CLINT1: variants seen among roughly 807,000 people sequenced by gnomAD.
CLINT1 encodes clathrin interacting protein localized in the trans-Golgi region.
In CLINT1, 15 loss-of-function variants were observed where a neutral mutation model predicts 70.4. The observed-to-expected ratio is 0.21, with a 90% CI of 0.14 to 0.33. CLINT1 has a LOEUF of 0.33. CLINT1 is among the 10% of genes least tolerant of loss of function. CLINT1 has a pLI of 1.00. For missense variants in CLINT1, 615 were observed against 778.1 expected (o/e 0.79, Z 2.49); for synonymous variants, 227 against 254.7 (o/e 0.89, Z 1.04).
Position 157,794,885 on chromosome 5 carries a change from A to C in CLINT1, c.1087+13T>G. 1 of 1,553,572 alleles carries C rather than the reference A, an allele frequency of 6.4e-7. No individual in the cohort carries two copies. The highest frequency in any genetic ancestry group is 8.7e-7 in the Non-Finnish European group (1 of 1,147,180). On this transcript the variant is annotated intron_variant, in intron 9 of 11. Transcript: ENST00000411809. ...ACCACCCTAGACTTCTGGCCAATCAAATTGAATCATACCTTGGGAAGGGAA... is the reference window on the plus strand; with the variant it reads ...ACCACCCTAGACTTCTGGCCAATCACATTGAATCATACCTTGGGAAGGGAA...
At chr5:157,788,185 C>A in intron 11 of CLINT1, among the ~76,000 whole-genome samples, 193 bp from the exon 12 acceptor site, 1 of 152,178 alleles carries the variant, frequency 6.6e-6, no homozygotes, top group East Asian at 1.9e-4. Context: ...ACTATTGGCT[C>A]TGGTTCCCCA....
At chr5:157,810,892 T>C (rs1762535199) in intron 5 of CLINT1, among the ~76,000 whole-genome samples, 1 of 152,200 alleles carries the variant, frequency 6.6e-6, no homozygotes, top group South Asian at 2.1e-4. Flanking sequence ...ACAAAACGAT[T>C]TTGCTGAATT....
intron 5 of CLINT1, among the ~76,000 whole-genome samples, chr5:157,811,763 AAAAG>A (rs1431445287): frequency 6.6e-6 from 1 of 152,132 alleles, no homozygotes; most frequent in African/African-American, 2.4e-5. Flanking sequence ...CATGCTGGCA[AAAAG>A]AAAGATACAA....
chr5:157,798,333 CAT>C (rs1175365587), intron 8 of CLINT1, among the ~76,000 whole-genome samples: 1 of 152,196 alleles, frequency 6.6e-6, no homozygotes, highest in Non-Finnish European at 1.5e-5. Context: ...AAGATTCCCA[CAT>C]GAGAACTGTC....
At chr5:157,852,980 A>G (rs1753624818) in intron 1 of CLINT1, among the ~76,000 whole-genome samples, 1 of 152,250 alleles carries the variant, frequency 6.6e-6, no homozygotes, top group African/African-American at 2.4e-5. Flanking sequence ...CTTCAAAAGT[A>G]CTAAAAATGT....
chr5:157,811,566 A>G (rs1762560096), intron 5 of CLINT1, among the ~76,000 whole-genome samples: 1 of 152,020 alleles, frequency 6.6e-6, no homozygotes, highest in Non-Finnish European at 1.5e-5. Flanking sequence ...GAAAAAACAC[A>G]AAACTGCTAA....
chr5:157,851,780 C>T (rs960849971), intron 1 of CLINT1, among the ~76,000 whole-genome samples: 12 of 151,852 alleles, frequency 7.9e-5, no homozygotes, highest in Admixed American at 7.2e-4. Context: ...CACTGTTGCA[C>T]ATTAACAAAA....
chr5:157,829,027 G>A (rs796445534), intron 1 of CLINT1, among the ~76,000 whole-genome samples: 17 of 151,872 alleles, frequency 1.1e-4, no homozygotes, highest in Non-Finnish European at 1.5e-4. Context: ...GGTTGAACCC[G>A]GGAAGCGGAG....
In CLINT1 at chr5:157,791,765, T is replaced by G. The variant is rs112406734; in HGVS notation, c.1318A>C (p.Met440Leu). 1.2e-6 allele frequency: 2 copies of G among 1,613,850 alleles called. No homozygotes were observed. Among genetic ancestry groups the G allele is most frequent in the Non-Finnish European group, 1.7e-6 (2 of 1,179,888 alleles). ...TTAGTGCTCATCATAGAGAAATTCA[T>G]ACTCTGGGAAGATGTCATGGTTGCC... Reference protein sequence around the residue: ...SQATMTSSQSMNFSMMSTNTV... With the variant: ...SQATMTSSQSLNFSMMSTNTV... The change falls in exon 10 of 12, where the codon ATG (methionine) becomes CTG (leucine). Residue 440 changes from methionine (M) to leucine (L), a missense_variant. By Grantham distance (15) the Met-to-Leu change is conservative. Transcript: ENST00000411809.
rs200378943 is a variant in CLINT1 at position 157,791,717 on chromosome 5, T to C, written c.1366A>G (p.Met456Val). The stretch of plus-strand genomic sequence containing the variant: ...AGACAACTTACCTGTGATCTTGACA[T>C]AGGCAAACCAAGTCCCACAGTGTTA... ...STNTVGLGLP[M>V]SRSQNTDMVQ... The change falls in exon 10 of 12, where the codon ATG becomes GTG. Residue 456 changes from methionine (M) to valine (V), a missense_variant. Physicochemically the swap from Met to Val is conservative, Grantham distance 21 (BLOSUM62 1). Around this residue, in one of 2 missense-constraint regions of CLINT1, gnomAD observed 374 missense variants for 409.6 expected, o/e 0.91. Coordinates refer to ENST00000411809, the MANE Select transcript of CLINT1 (RefSeq NM_014666.4). 2.6e-4 allele frequency: 419 copies of C among 1,612,394 alleles called. No homozygotes were observed. Among genetic ancestry groups the C allele is most frequent in the Non-Finnish European group, 3.3e-4 (391 of 1,178,966 alleles).
chr5:157,830,915 C>T (rs910768535), intron 1 of CLINT1, among the ~76,000 whole-genome samples: 1 of 151,216 alleles, frequency 6.6e-6, no homozygotes, highest in Non-Finnish European at 1.5e-5. Flanking sequence ...GTAGTCCCAG[C>T]TACTGGAGGT....
At chr5:157,854,999 C>T (rs1753704673) in intron 1 of CLINT1, among the ~76,000 whole-genome samples, 1 of 151,950 alleles carries the variant, frequency 6.6e-6, no homozygotes, top group African/African-American at 2.4e-5. Flanking sequence ...CAAAAATTAG[C>T]CAGGCATGGA....
chr5:157,839,559 G>T (rs1763544172), intron 1 of CLINT1, among the ~76,000 whole-genome samples: 2 of 149,982 alleles, frequency 1.3e-5, no homozygotes, highest in South Asian at 4.2e-4. Flanking sequence ...CCGAGATTGT[G>T]CACTGCACTC....
chr5:157,840,327 T>C (rs1299245483), intron 1 of CLINT1, among the ~76,000 whole-genome samples: 2 of 150,646 alleles, frequency 1.3e-5, no homozygotes, highest in Non-Finnish European at 2.9e-5. Context: ...TAAGAAACTC[T>C]TCATTAAAAG....
At chr5:157,790,636 C>T (rs1182279889) in intron 10 of CLINT1, 3 of 455,174 alleles carry the variant, frequency 6.6e-6, no homozygotes, top group South Asian at 4.7e-5. Context: ...CATCCTAATA[C>T]CCCAAAGACG....
chr5:157,805,827 T>C (rs751893699), intron 7 of CLINT1, 39 bp downstream of exon 7: 4 of 1,607,302 alleles, frequency 2.5e-6, no homozygotes, highest in Non-Finnish European at 3.4e-6. Context: ...TTTATAAAAA[T>C]AAAACCATGT....
chr5:157,797,854 T>C (rs1487769637), intron 8 of CLINT1, among the ~76,000 whole-genome samples: 1 of 152,254 alleles, frequency 6.6e-6, no homozygotes, highest in Non-Finnish European at 1.5e-5. Context: ...ACAGAAATTA[T>C]ATGATGTTCA....
intron 8 of CLINT1, among the ~76,000 whole-genome samples, chr5:157,803,441 G>C (rs1762287220): frequency 6.6e-6 from 1 of 151,824 alleles, no homozygotes; most frequent in Non-Finnish European, 1.5e-5. Context: ...GTCAGAAAAA[G>C]GTATAAAATA....
intron 4 of CLINT1, 141 bp from the exon 5 acceptor site, chr5:157,813,368 C>T (rs1177275157): frequency 1.3e-6 from 1 of 799,692 alleles, no homozygotes. Context: ...GCAAGTTGTG[C>T]TATTTAACTT....
Sources: gnomAD v4.1 joint callset for allele counts (sites outside exome capture counted in the v4.1 genomes callset) on GRCh38, gnomAD v4.1.1 for gene constraint, gnomAD v4.1.1 regional missense constraint, MANE v1.5 for transcripts, NCBI Gene and HGNC (gene_info 2026-07-23, HGNC 2026-07-21) for gene names.